Variants in VTI1A observed in about 807,000 individuals in gnomAD.
VTI1A encodes vesicle transport through interaction with t-SNAREs homolog 1A.
In VTI1A, 22 loss-of-function variants were observed where a neutral mutation model predicts 34.9. The ratio of observed to expected loss-of-function variants is 0.63; its 90% CI spans 0.45 to 0.90. The LOEUF (loss-of-function observed/expected upper bound fraction) is 0.90, where lower values mean the gene tolerates loss of function less well. VTI1A is among the 40% of genes least tolerant of loss of function. The pLI is 0.00. For missense variants in VTI1A, 268 were observed against 275.6 expected (o/e 0.97, Z 0.20); for synonymous variants, 87 against 97.3 (o/e 0.89, Z 0.62).
At chr10:112,653,653 C>T (rs1847120731) in intron 5 of VTI1A, among the ~76,000 whole-genome samples, 1 of 152,196 alleles carries the variant, frequency 6.6e-6, no homozygotes, top group African/African-American at 2.4e-5. Context: ...GTGCTTAGCA[C>T]AGTGGCTAGT....
chr10:112,627,365 A>G (rs1845961298), intron 5 of VTI1A, among the ~76,000 whole-genome samples: 1 of 152,230 alleles, frequency 6.6e-6, no homozygotes, highest in African/African-American at 2.4e-5. Context: ...TTTTTAAAGT[A>G]GTTATATAGG....
chr10:112,538,021 C>A (rs1339153819), intron 4 of VTI1A, among the ~76,000 whole-genome samples: 1 of 151,464 alleles, frequency 6.6e-6, no homozygotes, highest in Non-Finnish European at 1.5e-5. Context: ...ACATACAACA[C>A]GAGTCTCCTT....
chr10:112,561,769 T>C (rs17129862), intron 5 of VTI1A, among the ~76,000 whole-genome samples: 20,239 of 152,028 alleles, frequency 0.13, 2,282 homozygotes, highest in African/African-American at 0.29. Context: ...AAAAACATTC[T>C]GGAAAAAAGT....
chr10:112,689,122 G>C (rs1238410024), intron 7 of VTI1A, among the ~76,000 whole-genome samples: 1 of 152,152 alleles, frequency 6.6e-6, no homozygotes, highest in Admixed American at 6.5e-5. Context: ...TAACGTGTTT[G>C]ATGATAATAT....
chr10:112,840,674 A>G, the VTI1A span, among the ~76,000 whole-genome samples: 1 of 152,188 alleles, frequency 6.6e-6, no homozygotes, highest in East Asian at 1.9e-4. Context: ...GCTGTGAGGT[A>G]GGCACAGGTG....
At chr10:112,517,328 A>G (rs1306587499) in intron 3 of VTI1A, among the ~76,000 whole-genome samples, 1 of 152,082 alleles carries the variant, frequency 6.6e-6, no homozygotes, top group South Asian at 2.1e-4. Context: ...GCAACAAAAG[A>G]AATGAAGTAG....
At chr10:112,687,214 T>C (rs1471561770) in intron 7 of VTI1A, among the ~76,000 whole-genome samples, 3 of 132,896 alleles carry the variant, frequency 2.3e-5, no homozygotes, top group Admixed American at 7.5e-5. Context: ...CTAGGCATAC[T>C]ACAACTTTTT....
intron 5 of VTI1A, among the ~76,000 whole-genome samples, chr10:112,588,562 C>A (rs1445400650): frequency 6.6e-6 from 1 of 152,168 alleles, no homozygotes. Flanking sequence ...TGAATAATAA[C>A]CCCGTCTTAC....
chr10:112,587,722 A>G (rs1844215663), intron 5 of VTI1A, among the ~76,000 whole-genome samples: 1 of 152,170 alleles, frequency 6.6e-6, no homozygotes, highest in African/African-American at 2.4e-5. Flanking sequence ...ACTAAGAATT[A>G]GACTGGAATT....
rs562856332 is a variant in VTI1A at position 112,485,014 on chromosome 10, C to G, written c.264+20357C>G. 6.6e-5 allele frequency: 10 copies of G among 152,154 alleles called. No homozygotes were observed. In the East Asian group the frequency reaches 1.2e-3, roughly 18 times the overall value. 9.4% of individuals were successfully genotyped at this position (152,154 alleles called of 1,614,324 possible). A position where few individuals can be genotyped will look rare whatever the true frequency, so the allele number is the denominator to read the frequency against. ...TGAAGTTTCTGGCTGGGTGCGGTGGCTCACGCCTGTAATCCCAGCACTTTG... is the reference window on the plus strand; with the variant it reads ...TGAAGTTTCTGGCTGGGTGCGGTGGGTCACGCCTGTAATCCCAGCACTTTG... On this transcript the variant is annotated intron_variant, in intron 3 of 7. Transcript: ENST00000393077.
At chr10:112,687,219 C>CTTTTTT (rs71303594) in intron 7 of VTI1A, among the ~76,000 whole-genome samples, 28 of 84,608 alleles carry the variant, frequency 3.3e-4, no homozygotes, top group Non-Finnish European at 4.8e-4. Flanking sequence ...CATACTACAA[C>CTTTTTT]TTTTTTTTTT....
Position 112,616,555 on chromosome 10 carries a change from G to GA in VTI1A, c.428-51654dup, listed in dbSNP as rs992260500. 2.7e-5 allele frequency among the ~76,000 whole-genome samples: 4 copies of GA among 148,568 alleles called. No homozygotes were observed. The South Asian group carries it at 6.4e-4, about 24-fold the overall frequency. On this transcript the variant is annotated intron_variant, in intron 5 of 7. Transcript: ENST00000393077. ...TAAAAAGATTTACCAAACATACAAA[G>GA]AAAAAAAAATGACCATAAATGAGAG...
chr10:112,536,643 T>C (rs1850626714), intron 4 of VTI1A, among the ~76,000 whole-genome samples: 2 of 152,148 alleles, frequency 1.3e-5, no homozygotes, highest in East Asian at 3.9e-4. Flanking sequence ...CTGCTGTACA[T>C]TGGACGACTC....
chr10:112,627,201 C>G (rs1026562028), intron 5 of VTI1A, among the ~76,000 whole-genome samples: 1 of 152,096 alleles, frequency 6.6e-6, no homozygotes, highest in Non-Finnish European at 1.5e-5. Context: ...GGGGATAGAC[C>G]TTGGGATTCT....
At chr10:112,711,324 C>T (rs956275677) in intron 7 of VTI1A, among the ~76,000 whole-genome samples, 1 of 152,138 alleles carries the variant, frequency 6.6e-6, no homozygotes, top group Non-Finnish European at 1.5e-5. Context: ...CAGATCATGG[C>T]TTTGCTTACT....
rs541937325 is a variant in VTI1A, at chr10:112,776,049, T to C, written c.561-39241T>C. ...GCAAACCTCCAGTGAGAGCCTGGGA[T>C]TTATTAGGCTGACTTGGTGCAGAGT... On this transcript the variant is annotated intron_variant, in intron 7 of 7. Transcript: ENST00000393077. 8.5e-4 allele frequency among the ~76,000 whole-genome samples: 129 copies of C among 152,350 alleles called. 1 individual carries two copies. In the South Asian group the frequency reaches 0.026, roughly 31 times the overall value.
intron 3 of VTI1A, among the ~76,000 whole-genome samples, chr10:112,524,211 G>A (rs1202560314): frequency 3.9e-5 from 6 of 152,006 alleles, no homozygotes; most frequent in African/African-American, 1.4e-4. Context: ...AAAATTTTAA[G>A]TCGTGAAAAA....
intron 5 of VTI1A, among the ~76,000 whole-genome samples, chr10:112,578,732 T>C (rs1299354353): frequency 6.6e-6 from 1 of 152,200 alleles, no homozygotes; most frequent in East Asian, 1.9e-4. Context: ...TAAACAATAA[T>C]ATCTTGAATT....
intron 7 of VTI1A, among the ~76,000 whole-genome samples, chr10:112,796,033 G>C (rs149446911): frequency 8.1e-4 from 123 of 152,200 alleles, no homozygotes; most frequent in African/African-American, 2.6e-3. Context: ...TAAGCCTTGT[G>C]TTCTGATTAT....
Sources: allele counts gnomAD v4.1 joint callset (sites outside exome capture counted in the v4.1 genomes callset), GRCh38; gene constraint gnomAD v4.1.1; transcripts MANE v1.5; gene names NCBI Gene and HGNC (gene_info 2026-07-23, HGNC 2026-07-21).